The following CUBN variants were observed in gnomAD, a reference collection of about 807,000 sequenced individuals.
CUBN encodes the protein cubilin.
A neutral mutation model predicts 405.3 loss-of-function variants in CUBN; 282 were observed. That is an observed-to-expected ratio of 0.70 (90% confidence interval 0.63 to 0.77). CUBN has a LOEUF of 0.77. Ranked by LOEUF, CUBN falls within the 30% of genes least tolerant of loss-of-function variation. The pLI is 0.00. For synonymous variants in CUBN, 1,684 were observed against 1,617.0 expected (o/e 1.04, Z -0.99); for missense variants, 4,514 against 4,475.2 (o/e 1.01, Z -0.25).
chr10:16,825,358 G>C (rs1398922477), intron 66 of CUBN, among the ~76,000 whole-genome samples: 1 of 152,088 alleles, frequency 6.6e-6, no homozygotes, highest in Admixed American at 6.5e-5. Flanking sequence ...AATTGGCTGT[G>C]CTGATAATGG....
intron 62 of CUBN, 83 bp from the exon 63 acceptor site, chr10:16,836,465 A>G: frequency 1.6e-6 from 2 of 1,279,740 alleles, no homozygotes; most frequent in Non-Finnish European, 2.3e-6. Context: ...TGCATATAAA[A>G]GCATGGTGTA....
chr10:17,048,405 T>C (rs929170158), intron 22 of CUBN, among the ~76,000 whole-genome samples: 1 of 152,182 alleles, frequency 6.6e-6, no homozygotes, highest in African/African-American at 2.4e-5. Context: ...CTGTGTTTAT[T>C]ACCACCCACT....
chr10:16,990,302 G>C (rs1168337422), intron 29 of CUBN, 32 bp downstream of exon 29: 6 of 1,608,412 alleles, frequency 3.7e-6, no homozygotes, highest in South Asian at 1.1e-5. Context: ...CCAAACTTTG[G>C]AATGTGCTGA....
chr10:17,031,907 C>T (rs1377334057), intron 27 of CUBN, among the ~76,000 whole-genome samples: 2 of 152,178 alleles, frequency 1.3e-5, no homozygotes, highest in African/African-American at 2.4e-5. Flanking sequence ...CTTATTAGAG[C>T]GGATGCAAGG....
chr10:16,962,259 G>A (rs1215291986), intron 31 of CUBN, among the ~76,000 whole-genome samples: 1 of 152,134 alleles, frequency 6.6e-6, no homozygotes, highest in Non-Finnish European at 1.5e-5. Context: ...TGTGATAGAT[G>A]TTAGCCTCTA....
chr10:17,047,699 CT>C, intron 22 of CUBN, 96 bp from the exon 23 acceptor site: 1 of 1,191,304 alleles, frequency 8.4e-7, no homozygotes, highest in South Asian at 1.3e-5. Flanking sequence ...TGTGCCTATA[CT>C]TGATTTTCAA....
chr10:16,932,218 G>A (rs548094211), intron 40 of CUBN, among the ~76,000 whole-genome samples: 4 of 152,328 alleles, frequency 2.6e-5, no homozygotes, highest in African/African-American at 9.6e-5. Context: ...CTCGGCAGGG[G>A]TCTAGGGATC....
In CUBN at chr10:17,126,782, T is replaced by C. The variant is rs1305090692; in HGVS notation, c.366A>G (p.Arg122=). ...QLNSKLVDLE[R]KFQGLQQTVD... ...CTACCTGCTGCAAGCCTTGGAATTT[T>C]CTCTCAAGATCCACCAGCTGGCAAT... The change falls in exon 4 of 67, where the codon AGA becomes AGG. Residue 122 remains arginine (R), a synonymous_variant. Coordinates refer to ENST00000377833, the MANE Select transcript of CUBN (RefSeq NM_001081.4). The C allele has an allele frequency of 6.2e-7, 1 of 1,614,196 alleles. No homozygotes were observed. Among genetic ancestry groups the C allele is most frequent in the Admixed American group, 1.7e-5 (1 of 60,020 alleles).
At chr10:17,010,045 G>A (rs1190900670) in intron 28 of CUBN, among the ~76,000 whole-genome samples, 1 of 152,152 alleles carries the variant, frequency 6.6e-6, no homozygotes, top group Admixed American at 6.5e-5. Flanking sequence ...GCATTACCCG[G>A]GAGCTTGTTA....
intron 47 of CUBN, 41 bp downstream of exon 47, chr10:16,914,991 G>A: frequency 6.4e-7 from 1 of 1,551,948 alleles, no homozygotes; most frequent in Non-Finnish European, 8.9e-7. Flanking sequence ...TCTGTCCAAT[G>A]CAGGTGCTCA....
In CUBN at chr10:17,071,542, G is replaced by A; in HGVS notation, c.2509C>T (p.Pro837Ser). ...GTCCACCTACAGGTTCTTTCTCCAG[G>A]ATACACGTTAGGAAAAAAAGGCGAG... ...IRSPFFPNVY[P>S]GERTCRWTIH... is the part of the protein sequence containing the mutation. Residue 837 changes from proline (P) to serine (S), a missense_variant, in exon 19 of 67, where the codon CCT becomes TCT. This residue lies in a region of CUBN where 1,448 missense variants were observed against 1,388.0 expected (regional missense o/e 1.04). Coordinates refer to ENST00000377833, the MANE Select transcript of CUBN (RefSeq NM_001081.4). 2 of 1,613,798 alleles carry A rather than the reference G, an allele frequency of 1.2e-6. No homozygotes were observed. The highest frequency in any genetic ancestry group is 1.7e-6 in the Non-Finnish European group (2 of 1,179,880).
chr10:16,831,103 T>C, intron 65 of CUBN, 149 bp downstream of exon 65: 4 of 731,934 alleles, frequency 5.5e-6, no homozygotes, highest in Non-Finnish European at 9.3e-6. Flanking sequence ...AAAAAAGTAA[T>C]CTGTACTTTC....
chr10:17,103,988 G>T (rs1836560233), intron 12 of CUBN, among the ~76,000 whole-genome samples: 1 of 152,162 alleles, frequency 6.6e-6, no homozygotes, highest in Non-Finnish European at 1.5e-5. Context: ...CTTGGTTATA[G>T]AAGATCATTG....
intron 28 of CUBN, among the ~76,000 whole-genome samples, chr10:17,013,306 CT>C (rs1564478331): frequency 6.6e-6 from 1 of 151,918 alleles, no homozygotes; most frequent in Middle Eastern, 3.4e-3. Flanking sequence ...CTCTTTCTCT[CT>C]CTGTCTCTCT....
intron 31 of CUBN, among the ~76,000 whole-genome samples, chr10:16,975,741 A>C (rs1216358425): frequency 1.4e-5 from 2 of 146,214 alleles, no homozygotes; most frequent in Non-Finnish European, 3.0e-5. Flanking sequence ...AGCGATTCTC[A>C]TGCCTCAGCC....
At position 17,045,075 on chromosome 10, in the gene CUBN, C is replaced by T. The variant is rs141740096; in HGVS notation, c.3604G>A (p.Ala1202Thr). ...AAGTCTTTGAATTCCAGTTCAAATG[C>T]GCTGCCGTGGCTAGATTTCAACCAC... The part of the protein sequence containing the change: ...YWWLKSSHGS[A>T]FELEFKDFHL... Residue 1202 changes from alanine to threonine, a missense_variant, in exon 25 of 67, where the codon GCA becomes ACA. Around this residue, in one of 5 missense-constraint regions of CUBN, gnomAD observed 242 missense variants for 309.0 expected, o/e 0.78. Coordinates refer to ENST00000377833, the MANE Select transcript of CUBN (RefSeq NM_001081.4). 1,987 of 1,614,034 alleles carry T rather than the reference C, an allele frequency of 1.2e-3. No individual in the cohort carries two copies. The highest frequency in any genetic ancestry group is 1.5e-3 in the Non-Finnish European group (1,758 of 1,179,992).
chr10:16,982,599 G>T lies in CUBN; in HGVS notation c.4580C>A (p.Pro1527His), dbSNP rs1833306199. The T allele has an allele frequency of 1.9e-6, 3 of 1,613,412 alleles. No homozygotes were observed. The South Asian group carries it at 3.3e-5, about 18-fold the overall frequency. Reference sequence around the variant, plus strand: ...GTCTGTGTTGCTCCTATAAGGACTGGGGTAATTTGGAGAATGAATCTCTCC... The same window carrying T: ...GTCTGTGTTGCTCCTATAAGGACTGTGGTAATTTGGAGAATGAATCTCTCC... ...PSGEIHSPNYPSPYRSNTDCS... is the reference protein window; with the variant it reads ...PSGEIHSPNYHSPYRSNTDCS... The change falls in exon 31 of 67, where the codon CCC (proline) becomes CAC (histidine). Residue 1527 changes from proline to histidine, a missense_variant. By Grantham distance (77) the Pro-to-His change is moderately conservative. Around this residue, in one of 5 missense-constraint regions of CUBN, gnomAD observed 1,613 missense variants for 1,542.8 expected, o/e 1.05. Coordinates refer to ENST00000377833, the MANE Select transcript of CUBN (RefSeq NM_001081.4).
chr10:16,854,084 G>A (rs955232338), intron 59 of CUBN, among the ~76,000 whole-genome samples: 1 of 152,148 alleles, frequency 6.6e-6, no homozygotes, highest in Non-Finnish European at 1.5e-5. Context: ...AGATTACTTT[G>A]GGCTATGAGG....
At chr10:17,099,860 T>C in intron 14 of CUBN, 145 bp downstream of exon 14, 1 of 292,994 alleles carries the variant, frequency 3.4e-6, no homozygotes, top group Non-Finnish European at 6.1e-6. Flanking sequence ...TCAAAATAAA[T>C]AAATGAATAA....
Sources: gnomAD v4.1 joint callset for allele counts (sites outside exome capture counted in the v4.1 genomes callset) on GRCh38, gnomAD v4.1.1 for gene constraint, gnomAD v4.1.1 regional missense constraint, MANE v1.5 for transcripts, NCBI Gene and HGNC (gene_info 2026-07-23, HGNC 2026-07-21) for gene names.